PHACTR1: variants seen among roughly 807,000 people sequenced by gnomAD.
PHACTR1 encodes the protein RPEL repeat containing 1.
A neutral mutation model predicts 69.2 loss-of-function variants in PHACTR1; 16 were observed. The observed-to-expected ratio is 0.23, with a 90% confidence interval of 0.16 to 0.35. PHACTR1 has a LOEUF of 0.35. Among genes scored for constraint, PHACTR1 ranks in the 10% least tolerant of loss-of-function variants. The pLI is 1.00. For missense variants in PHACTR1, 510 were observed against 734.7 expected, an observed-to-expected ratio of 0.69 and a Z score of 3.54; for synonymous variants, 312 against 284.5, an observed-to-expected ratio of 1.10 and a Z score of -0.97.
intron 10 of PHACTR1, among the ~76,000 whole-genome samples, chr6:13,243,483 A>G (rs953109095): frequency 3.3e-5 from 5 of 152,124 alleles, no homozygotes; most frequent in Non-Finnish European, 5.9e-5. Context: ...TGCAGGGAAT[A>G]TTCAAATATC....
Position 13,275,795 on chromosome 6 carries a change from C to T in PHACTR1, c.1448-2473C>T, listed in dbSNP as rs1489041885. 1.3e-5 allele frequency: 2 copies of T among 152,174 alleles called. No homozygotes were observed. Among genetic ancestry groups the T allele is most frequent in the African/African-American group, 2.4e-5 (1 of 41,426 alleles). The allele number at this position is 152,174 out of a possible 1,614,324, so 9.4% of individuals were successfully genotyped here. On this transcript the variant is annotated intron_variant, in intron 11 of 14. Transcript: ENST00000332995. The surrounding 1 kb of genome is among the most constrained non-coding windows in gnomAD (Gnocchi z 4.0). ...TTTTCACCGTGTGCCCTCTAGCTGT[C>T]CCTGGTGACCCAACATCCAGACCAC...
chr6:13,287,004 T>G (rs1781818999), intron 14 of PHACTR1, 59 bp from the exon 15 acceptor site: 7 of 1,577,496 alleles, frequency 4.4e-6, no homozygotes, highest in Non-Finnish European at 3.5e-6. Flanking sequence ...GAGATTGGAC[T>G]GTTGAATCCT....
At chr6:12,841,369 G>T (rs1778686681) in intron 4 of PHACTR1, among the ~76,000 whole-genome samples, 1 of 151,670 alleles carries the variant, frequency 6.6e-6, no homozygotes, top group Non-Finnish European at 1.5e-5. Flanking sequence ...AGTTGCACTA[G>T]GATGATTTGA....
intron 4 of PHACTR1, among the ~76,000 whole-genome samples, chr6:12,874,043 T>C (rs149010667): frequency 6.6e-6 from 1 of 152,222 alleles, no homozygotes; most frequent in Non-Finnish European, 1.5e-5. Flanking sequence ...CAACTCTCTC[T>C]CTCTCTAAAG....
chr6:12,824,508 T>G (rs1297804626), intron 4 of PHACTR1, among the ~76,000 whole-genome samples: 1 of 152,158 alleles, frequency 6.6e-6, no homozygotes, highest in Non-Finnish European at 1.5e-5. Context: ...AATGACATTA[T>G]AAATCTGCAT....
At chr6:12,909,948 C>G (rs1786194237) in intron 4 of PHACTR1, among the ~76,000 whole-genome samples, 1 of 152,216 alleles carries the variant, frequency 6.6e-6, no homozygotes, top group Non-Finnish European at 1.5e-5. Flanking sequence ...TTCGAAGATC[C>G]CAGTTGCCTT....
rs1817957187 is a variant in PHACTR1 at position 13,117,273 on chromosome 6, C to A, written c.416-42931C>A. Among the ~76,000 whole-genome samples the A allele has an allele frequency of 2.0e-5, 3 of 152,196 alleles. No individual in the cohort carries two copies. In the South Asian group the frequency reaches 6.2e-4, roughly 31 times the overall value. Reference sequence around the variant, plus strand: ...CTTGGTTTCGTTTCTGCAGACTTGACCTAGGCAAGATGCCATGTTTAGTGA... The same window carrying A: ...CTTGGTTTCGTTTCTGCAGACTTGAACTAGGCAAGATGCCATGTTTAGTGA... On this transcript the variant is annotated intron_variant, in intron 5 of 14. Coordinates refer to ENST00000332995, the MANE Select transcript of PHACTR1 (RefSeq NM_030948.6).
intron 8 of PHACTR1, among the ~76,000 whole-genome samples, chr6:13,220,123 G>A (rs558264950): frequency 5.3e-5 from 8 of 152,302 alleles, no homozygotes; most frequent in South Asian, 4.1e-4. Flanking sequence ...GACCATCTGC[G>A]GTAGCCATGT....
At chr6:13,024,151 A>T (rs563812292) in intron 4 of PHACTR1, among the ~76,000 whole-genome samples, 1 of 151,756 alleles carries the variant, frequency 6.6e-6, no homozygotes, top group African/African-American at 2.4e-5. Flanking sequence ...TGAGAGATGC[A>T]TTATAGGGAG....
chr6:13,280,632 G>A (rs445590), intron 12 of PHACTR1: 214,216 of 273,774 alleles, frequency 0.78, 85,193 homozygotes, highest in Middle Eastern at 0.86. Flanking sequence ...AAAAAATAAA[G>A]CGTAGTAACT....
At chr6:13,110,686 G>A (rs1282218110) in intron 5 of PHACTR1, among the ~76,000 whole-genome samples, 1 of 152,166 alleles carries the variant, frequency 6.6e-6, no homozygotes, top group African/African-American at 2.4e-5. Flanking sequence ...ACTGGAAAGT[G>A]TCTCCAGACA....
chr6:13,075,449 C>A (rs536548567), intron 5 of PHACTR1, among the ~76,000 whole-genome samples: 5 of 152,124 alleles, frequency 3.3e-5, no homozygotes, highest in Middle Eastern at 3.4e-3. Context: ...TTGTAATGAC[C>A]CTGGTACTGT....
At chr6:13,114,510 A>G (rs1252384368) in intron 5 of PHACTR1, among the ~76,000 whole-genome samples, 1 of 152,210 alleles carries the variant, frequency 6.6e-6, no homozygotes, top group East Asian at 1.9e-4. Context: ...TAAAGTAACA[A>G]ATATACACAT....
At chr6:13,003,455 A>C (rs138913060) in intron 4 of PHACTR1, among the ~76,000 whole-genome samples, 2,013 of 152,154 alleles carry the variant, frequency 0.013, 48 homozygotes, top group African/African-American at 0.045. Flanking sequence ...CTATAAATTG[A>C]AAAGATAGAT....
intron 5 of PHACTR1, among the ~76,000 whole-genome samples, chr6:13,147,654 C>A (rs1233461203): frequency 6.6e-6 from 1 of 152,092 alleles, no homozygotes; most frequent in Non-Finnish European, 1.5e-5. Context: ...GCCTTATAAC[C>A]ACCCTTTCTT....
At chr6:12,833,611 C>T (rs550231029) in intron 4 of PHACTR1, among the ~76,000 whole-genome samples, 4 of 152,276 alleles carry the variant, frequency 2.6e-5, no homozygotes, top group African/African-American at 9.6e-5. Flanking sequence ...CCATGTTCAT[C>T]ACCACGTTCA....
intron 4 of PHACTR1, among the ~76,000 whole-genome samples, chr6:12,954,940 A>G (rs180976827): frequency 6.6e-6 from 1 of 152,218 alleles, no homozygotes; most frequent in Non-Finnish European, 1.5e-5. Context: ...ACATGTGGCT[A>G]CTGGGCACTT....
chr6:12,970,409 T>G (rs1036491756), intron 4 of PHACTR1, among the ~76,000 whole-genome samples: 1 of 152,200 alleles, frequency 6.6e-6, no homozygotes, highest in Non-Finnish European at 1.5e-5. Flanking sequence ...CTTATTTAAA[T>G]ATTAAACCCA....
chr6:12,720,170 G>A (rs1761915512), intron 3 of PHACTR1, among the ~76,000 whole-genome samples: 1 of 152,216 alleles, frequency 6.6e-6, no homozygotes, highest in East Asian at 1.9e-4. Context: ...ATGGAGGTTG[G>A]AAGGGGGTGG....
Sources: allele counts gnomAD v4.1 joint callset (sites outside exome capture counted in the v4.1 genomes callset), GRCh38; gene constraint gnomAD v4.1.1; non-coding constraint Gnocchi (gnomAD v3.1); transcripts MANE v1.5; gene names NCBI Gene and HGNC (gene_info 2026-07-23, HGNC 2026-07-21).